The following KCNMA1 variants were observed in gnomAD, a reference collection of about 807,000 sequenced individuals.
The protein encoded by KCNMA1 is Calcium-activated potassium channel subunit alpha-1.
In KCNMA1, 29 loss-of-function variants were observed where a neutral mutation model predicts 140.0. The observed-to-expected ratio is 0.21, with a 90% CI of 0.15 to 0.28. The LOEUF (loss-of-function observed/expected upper bound fraction) is 0.28, where lower values mean the gene tolerates loss of function less well. Ranked by LOEUF, KCNMA1 falls within the 10% of genes least tolerant of loss-of-function variation. The probability of loss-of-function intolerance (pLI) is 1.00; values close to 1 mark genes in which losing one functional copy is unlikely to be tolerated. For synonymous variants in KCNMA1, 612 were observed against 611.9 expected (o/e 1.00, Z 0.00); for missense variants, 880 against 1,602.2 (o/e 0.55, Z 7.70).
chr10:77,590,986 A>G (rs7071840), intron 1 of KCNMA1, among the ~76,000 whole-genome samples: 24,848 of 152,092 alleles, frequency 0.16, 2,941 homozygotes, highest in East Asian at 0.52. Flanking sequence ...CCAGGCGAGA[A>G]AACAGAAATA....
chr10:77,002,010 A>C (rs568980175), intron 18 of KCNMA1, among the ~76,000 whole-genome samples: 2 of 152,284 alleles, frequency 1.3e-5, no homozygotes, highest in South Asian at 4.2e-4. Flanking sequence ...TGGTATAATA[A>C]ATGGTTTTTG....
chr10:77,163,004 C>T (rs2098584190), intron 5 of KCNMA1, among the ~76,000 whole-genome samples: 2 of 152,264 alleles, frequency 1.3e-5, no homozygotes, highest in South Asian at 4.2e-4. Context: ...CCAGTGTCTG[C>T]TACAGAGCCT....
chr10:77,233,710 A>C (rs1217102387), intron 3 of KCNMA1, among the ~76,000 whole-genome samples: 1 of 152,146 alleles, frequency 6.6e-6, no homozygotes, highest in Non-Finnish European at 1.5e-5. Flanking sequence ...CTGTGATTCA[A>C]ACTGCTGGCC....
intron 14 of KCNMA1, among the ~76,000 whole-genome samples, chr10:77,054,489 G>A (rs951166776): frequency 3.9e-5 from 6 of 152,108 alleles, no homozygotes; most frequent in African/African-American, 1.2e-4. Flanking sequence ...AGAGATATAT[G>A]TTACTTCTCA....
rs940892841 is a variant in KCNMA1, at chr10:77,636,671, A to G, written c.378+594T>C. The stretch of plus-strand genomic sequence containing the variant: ...CCCAATAGTGGGATGGATCTCCCCA[A>G]CTTCTCTCGCCCCTCGAAGTCCCCC... On this transcript the variant is annotated intron_variant, in intron 1 of 27. Transcript: ENST00000286628. 17 of 1,534,334 alleles carry G rather than the reference A, an allele frequency of 1.1e-5. No individual in the cohort carries two copies. The African/African-American group carries it at 1.6e-4, about 15-fold the overall frequency.
intron 15 of KCNMA1, among the ~76,000 whole-genome samples, chr10:77,038,555 T>G (rs1671529300): frequency 2.0e-5 from 3 of 152,088 alleles, no homozygotes. Flanking sequence ...TTATTATTAT[T>G]ATTTTAGAGA....
chr10:76,929,935 C>T (rs2058840003), intron 23 of KCNMA1: 1 of 152,056 alleles, frequency 6.6e-6, no homozygotes. Flanking sequence ...TATTTACATG[C>T]AAAAGAATAA....
intron 5 of KCNMA1, among the ~76,000 whole-genome samples, chr10:77,171,127 C>G (rs970048266): frequency 6.6e-6 from 1 of 152,154 alleles, no homozygotes; most frequent in African/African-American, 2.4e-5. Flanking sequence ...GTGTGGCCCC[C>G]AGATCAGCAG....
At chr10:76,950,003 GA>G (rs1442592859) in intron 21 of KCNMA1, among the ~76,000 whole-genome samples, 8 of 151,744 alleles carry the variant, frequency 5.3e-5, no homozygotes, top group Middle Eastern at 3.4e-3. Flanking sequence ...CAAAATGGTT[GA>G]AAAAAAATCA....
At chr10:77,099,066 T>C (rs976776684) in intron 9 of KCNMA1, among the ~76,000 whole-genome samples, 7 of 152,076 alleles carry the variant, frequency 4.6e-5, no homozygotes, top group Admixed American at 2.0e-4. Context: ...GATTTCATTT[T>C]TAATGCTGCT....
chr10:77,619,140 A>G (rs2090539248), intron 1 of KCNMA1, among the ~76,000 whole-genome samples: 1 of 152,214 alleles, frequency 6.6e-6, no homozygotes, highest in Non-Finnish European at 1.5e-5. Context: ...CCCAAAATGT[A>G]GTGGCTTAAA....
chr10:76,957,332 G>A (rs1444900779), intron 20 of KCNMA1, among the ~76,000 whole-genome samples: 1 of 151,964 alleles, frequency 6.6e-6, no homozygotes, highest in Non-Finnish European at 1.5e-5. Flanking sequence ...CTAAGGTACA[G>A]AAGACTCAGA....
chr10:77,428,127 T>C lies in KCNMA1; in HGVS notation c.379-24104A>G, dbSNP rs148262109. On this transcript the variant is annotated intron_variant, in intron 1 of 27. Transcript: ENST00000286628. ...TGGCCAATAAAGTCTGCTCCGTGAA[T>C]TACACTCATTCAATCACAGCTGATA... Among the ~76,000 whole-genome samples, 252 of 152,208 alleles carry C rather than the reference T, an allele frequency of 1.7e-3. 4 individuals are homozygous for C. The East Asian group carries it at 0.046, about 28-fold the overall frequency.
chr10:76,877,961 C>T, intron 29 of KCNMA1: 15 of 1,494,792 alleles, frequency 1.0e-5, no homozygotes, highest in Non-Finnish European at 1.3e-5. Context: ...AGGGTAAAGC[C>T]TTTGGAAAGT....
intron 1 of KCNMA1, among the ~76,000 whole-genome samples, chr10:77,496,068 T>C (rs1441428128): frequency 1.3e-5 from 2 of 152,176 alleles, no homozygotes; most frequent in Admixed American, 1.3e-4. Flanking sequence ...AAGGTGGTCC[T>C]TGAAAGCTCT....
intron 5 of KCNMA1, among the ~76,000 whole-genome samples, chr10:77,138,855 A>G (rs2098109361): frequency 1.3e-5 from 2 of 152,172 alleles, no homozygotes; most frequent in African/African-American, 4.8e-5. Flanking sequence ...TTCTTCCCCC[A>G]GATCATTGCA....
intron 2 of KCNMA1, among the ~76,000 whole-genome samples, chr10:77,391,612 T>C (rs947963265): frequency 6.7e-6 from 1 of 149,748 alleles, no homozygotes; most frequent in Non-Finnish European, 1.5e-5. Flanking sequence ...GAAGTAGGTT[T>C]TTTGTTTGTT....
At chr10:77,214,096 T>C (rs2046967330) in intron 3 of KCNMA1, among the ~76,000 whole-genome samples, 1 of 152,186 alleles carries the variant, frequency 6.6e-6, no homozygotes, top group Admixed American at 6.5e-5. Flanking sequence ...TCTGGAAAGC[T>C]GAAAGTTCCT....
chr10:76,979,692 A>G (rs550763722), intron 19 of KCNMA1: 1 of 152,336 alleles, frequency 6.6e-6, no homozygotes, highest in Admixed American at 6.5e-5. Context: ...TATTATTATT[A>G]ACATTATTAC....
Sources: gnomAD v4.1 joint callset for allele counts (sites outside exome capture counted in the v4.1 genomes callset) on GRCh38, gnomAD v4.1.1 for gene constraint, MANE v1.5 for transcripts, NCBI Gene and HGNC (gene_info 2026-07-23, HGNC 2026-07-21) for gene names.